Variants in HS6ST3 observed in about 807,000 individuals in gnomAD.
HS6ST3 encodes heparan-sulfate 6-O-sulfotransferase 3.
In HS6ST3, 12 loss-of-function variants were observed where a neutral mutation model predicts 36.7. That is an observed-to-expected ratio of 0.33 (90% CI 0.21 to 0.53). The LOEUF is 0.53. Ranked by LOEUF, HS6ST3 falls within the 20% of genes least tolerant of loss-of-function variation. The pLI, the probability that HS6ST3 is intolerant of heterozygous loss-of-function variation, is 0.95. For missense variants in HS6ST3, 584 were observed against 640.9 expected (o/e 0.91, Z 0.96); for synonymous variants, 240 against 257.5 (o/e 0.93, Z 0.65).
chr13:96,277,217 T>C (rs1387930435), intron 1 of HS6ST3, among the ~76,000 whole-genome samples: 1 of 152,202 alleles, frequency 6.6e-6, no homozygotes, highest in Admixed American at 6.5e-5. Context: ...CAAGTCCATG[T>C]ACCCAGTGAA....
intron 1 of HS6ST3, among the ~76,000 whole-genome samples, chr13:96,724,848 C>A (rs1875959530): frequency 6.6e-6 from 1 of 152,188 alleles, no homozygotes; most frequent in Non-Finnish European, 1.5e-5. Flanking sequence ...CCAAGCCCTG[C>A]ATGAACATAC....
In HS6ST3 at chr13:96,271,196, C is replaced by T. The variant is rs149489219; in HGVS notation, c.707+179627C>T. Reference sequence around the variant, plus strand: ...CTGCCAGTGTGATGATATTGAATGTCGAGTTGGAAAGAGAGGCTCAGTAGC... The same window carrying T: ...CTGCCAGTGTGATGATATTGAATGTTGAGTTGGAAAGAGAGGCTCAGTAGC... On this transcript the variant is annotated intron_variant, in intron 1 of 1. Coordinates refer to ENST00000376705, the MANE Select transcript of HS6ST3 (RefSeq NM_153456.4). Among the ~76,000 whole-genome samples the T allele has an allele frequency of 7.3e-4, 111 of 151,736 alleles. 3 individuals are homozygous for T. Among genetic ancestry groups the T allele is most frequent in the African/African-American group, 2.5e-3 (105 of 41,244 alleles).
At chr13:96,455,354 G>A (rs142279289) in intron 1 of HS6ST3, among the ~76,000 whole-genome samples, 8 of 152,200 alleles carry the variant, frequency 5.3e-5, no homozygotes, top group Middle Eastern at 3.4e-3. Context: ...TGAATAGCTG[G>A]GATTACAGGC....
At position 96,331,642 on chromosome 13, in the gene HS6ST3, G is replaced by C. The variant is rs201440141; in HGVS notation, c.707+240073G>C. Reference sequence around the variant, plus strand: ...GTTACTGCTGTCTTTTTGTTTTTCTGTGCCCTGCCCCCAGAGGTGGAGCCT... The same window carrying C: ...GTTACTGCTGTCTTTTTGTTTTTCTCTGCCCTGCCCCCAGAGGTGGAGCCT... On this transcript the variant is annotated intron_variant, in intron 1 of 1. Coordinates refer to ENST00000376705, the MANE Select transcript of HS6ST3 (RefSeq NM_153456.4). 7.4e-3 allele frequency among the ~76,000 whole-genome samples: 1,132 copies of C among 152,258 alleles called. 24 individuals are homozygous for C. In the East Asian group the frequency reaches 0.077, roughly 10 times the overall value.
In HS6ST3 at chr13:96,305,796, C is replaced by G. The variant is rs370406645; in HGVS notation, c.707+214227C>G. On this transcript the variant is annotated intron_variant, in intron 1 of 1. Coordinates refer to ENST00000376705, the MANE Select transcript of HS6ST3 (RefSeq NM_153456.4). The stretch of plus-strand genomic sequence containing the variant: ...TGGTTCAAGATCAATTTGTTACTTG[C>G]TTTGATATATATTGTTATCTGGGTC... Among the ~76,000 whole-genome samples, 109 of 149,676 alleles carry G rather than the reference C, an allele frequency of 7.3e-4. 2 individuals are homozygous for G. The highest frequency in any genetic ancestry group is 2.5e-3 in the African/African-American group (104 of 40,800).
intron 1 of HS6ST3, among the ~76,000 whole-genome samples, chr13:96,102,466 A>T (rs1337742417): frequency 6.6e-6 from 1 of 152,148 alleles, no homozygotes; most frequent in African/African-American, 2.4e-5. Flanking sequence ...TGGGTAACAG[A>T]GTGAGACTCT....
chr13:96,370,402 G>T (rs2055283774), intron 1 of HS6ST3, among the ~76,000 whole-genome samples: 2 of 151,896 alleles, frequency 1.3e-5, no homozygotes, highest in African/African-American at 4.8e-5. Context: ...CTAATATTTT[G>T]TATGTAAAAA....
At chr13:96,575,708 A>G (rs1298508157) in intron 1 of HS6ST3, among the ~76,000 whole-genome samples, 2 of 152,176 alleles carry the variant, frequency 1.3e-5, no homozygotes, top group Non-Finnish European at 2.9e-5. Context: ...CTTTCATGTG[A>G]CGTATTTCCC....
chr13:96,404,620 G>A (rs1441015573), intron 1 of HS6ST3, among the ~76,000 whole-genome samples: 1 of 152,228 alleles, frequency 6.6e-6, no homozygotes, highest in Non-Finnish European at 1.5e-5. Context: ...AAGTCTGGGA[G>A]TTGTAGGGCA....
rs1485440362 is a variant in HS6ST3 at position 96,121,752 on chromosome 13, G to A, written c.707+30183G>A. Among the ~76,000 whole-genome samples, 3 of 152,134 alleles carry A rather than the reference G, an allele frequency of 2.0e-5. No individual in the cohort carries two copies. In the East Asian group the frequency reaches 5.8e-4, roughly 29 times the overall value. ...TGGGCTCCCAGAGTTTTCCAGCTGGGGGACTCCCTGAATCATTTCTCATTT... is the reference window on the plus strand; with the variant it reads ...TGGGCTCCCAGAGTTTTCCAGCTGGAGGACTCCCTGAATCATTTCTCATTT... On this transcript the variant is annotated intron_variant, in intron 1 of 1. Transcript: ENST00000376705.
At chr13:96,681,308 T>C (rs918520236) in intron 1 of HS6ST3, among the ~76,000 whole-genome samples, 9 of 152,186 alleles carry the variant, frequency 5.9e-5, no homozygotes, top group African/African-American at 2.2e-4. Context: ...TGTAGACTGT[T>C]CTTTCTCTTC....
chr13:96,421,044 T>A (rs1472415821), intron 1 of HS6ST3, among the ~76,000 whole-genome samples: 1 of 152,232 alleles, frequency 6.6e-6, no homozygotes, highest in Non-Finnish European at 1.5e-5. Flanking sequence ...TGAGAGTTCC[T>A]GACCAATATG....
At chr13:96,434,994 T>A (rs1326632079) in intron 1 of HS6ST3, among the ~76,000 whole-genome samples, 1 of 152,152 alleles carries the variant, frequency 6.6e-6, no homozygotes, top group Non-Finnish European at 1.5e-5. Flanking sequence ...CTTTAATTTT[T>A]TTTTTCCTTT....
At chr13:96,817,563 C>A (rs916049815) in intron 1 of HS6ST3, among the ~76,000 whole-genome samples, 2 of 152,172 alleles carry the variant, frequency 1.3e-5, no homozygotes, top group African/African-American at 4.8e-5. Flanking sequence ...TATAATCTTC[C>A]TTAACTGAAA....
chr13:96,240,079 T>C (rs1334323347), intron 1 of HS6ST3, among the ~76,000 whole-genome samples: 1 of 152,170 alleles, frequency 6.6e-6, no homozygotes, highest in Non-Finnish European at 1.5e-5. Context: ...CAGGGAGTGG[T>C]GAATATACTG....
chr13:96,257,133 C>T (rs1323289357), intron 1 of HS6ST3, among the ~76,000 whole-genome samples: 1 of 152,088 alleles, frequency 6.6e-6, no homozygotes, highest in Non-Finnish European at 1.5e-5. Context: ...GGAGTTTCGC[C>T]CCTTCACTGT....
chr13:96,169,874 A>T (rs1229922408), intron 1 of HS6ST3: 1 of 152,222 alleles, frequency 6.6e-6, no homozygotes, highest in South Asian at 2.1e-4. Context: ...ATAAGATAAA[A>T]TTTTTTAAAC....
intron 1 of HS6ST3, among the ~76,000 whole-genome samples, chr13:96,639,812 G>A (rs1005526900): frequency 6.6e-6 from 1 of 151,872 alleles, no homozygotes; most frequent in African/African-American, 2.4e-5. Context: ...TTGGTATTTG[G>A]TTTCCTGTTC....
intron 1 of HS6ST3, among the ~76,000 whole-genome samples, chr13:96,331,790 C>G (rs950927515): frequency 1.8e-4 from 27 of 152,252 alleles, no homozygotes; most frequent in Admixed American, 6.5e-4. Context: ...CTCGCTGCCG[C>G]CTTGCAGTTT....
Sources: allele counts gnomAD v4.1 joint callset (sites outside exome capture counted in the v4.1 genomes callset), GRCh38; gene constraint gnomAD v4.1.1; transcripts MANE v1.5; gene names NCBI Gene and HGNC (gene_info 2026-07-23, HGNC 2026-07-21).